CADPS: variants seen among roughly 807,000 people sequenced by gnomAD.
CADPS encodes the protein calcium dependent secretion activator.
Under a neutral mutation model 167.3 loss-of-function variants are expected in CADPS, and 57 were observed. That is an observed-to-expected ratio of 0.34 (90% CI 0.28 to 0.42). The LOEUF (loss-of-function observed/expected upper bound fraction) is 0.42, where lower values mean the gene tolerates loss of function less well. Ranked by LOEUF, CADPS falls within the 20% of genes least tolerant of loss-of-function variation. The pLI is 1.00. For synonymous variants in CADPS, 676 were observed against 635.3 expected (o/e 1.06, Z -0.96); for missense variants, 1,414 against 1,738.1 (o/e 0.81, Z 3.32).
intron 6 of CADPS, among the ~76,000 whole-genome samples, chr3:62,623,661 A>G (rs999539273): frequency 6.6e-6 from 1 of 152,134 alleles, no homozygotes; most frequent in African/African-American, 2.4e-5. Context: ...GGAGTGTTAG[A>G]TCCTGGAAGG....
chr3:62,530,360 A>T (rs1488220553), intron 13 of CADPS, among the ~76,000 whole-genome samples: 1 of 152,164 alleles, frequency 6.6e-6, no homozygotes, highest in Admixed American at 6.5e-5. Context: ...CCCTAACTAG[A>T]TGCCACTAAA....
At chr3:62,656,147 T>C (rs984354121) in intron 4 of CADPS, among the ~76,000 whole-genome samples, 3 of 152,152 alleles carry the variant, frequency 2.0e-5, no homozygotes, top group African/African-American at 7.2e-5. Context: ...CATGAATATG[T>C]TTTGATCACT....
chr3:62,772,157 T>G (rs1489027608), intron 1 of CADPS, among the ~76,000 whole-genome samples: 1 of 152,144 alleles, frequency 6.6e-6, no homozygotes, highest in Non-Finnish European at 1.5e-5. Flanking sequence ...ATAAAAACAA[T>G]ACAGGAAGTA....
At chr3:62,709,194 C>T (rs1294177398) in intron 3 of CADPS, among the ~76,000 whole-genome samples, 2 of 152,062 alleles carry the variant, frequency 1.3e-5, no homozygotes, top group African/African-American at 4.8e-5. Context: ...CTCTTCTCTT[C>T]CCCTAACACT....
At chr3:62,827,431 C>G (rs974126375) in intron 1 of CADPS, among the ~76,000 whole-genome samples, 1 of 152,162 alleles carries the variant, frequency 6.6e-6, no homozygotes, top group Admixed American at 6.5e-5. Context: ...GAGGCACATA[C>G]TTTAATACCC....
intron 1 of CADPS, among the ~76,000 whole-genome samples, chr3:62,809,159 A>G (rs766253632): frequency 2.3e-4 from 35 of 152,236 alleles, no homozygotes; most frequent in Non-Finnish European, 4.6e-4. Flanking sequence ...ATGTTTCCTC[A>G]TTGAAATCCC....
At chr3:62,578,349 G>A (rs1032831687) in intron 8 of CADPS, among the ~76,000 whole-genome samples, 3 of 152,094 alleles carry the variant, frequency 2.0e-5, no homozygotes, top group South Asian at 2.1e-4. Context: ...GGTGGCTCAC[G>A]CCTGTAATCC....
intron 28 of CADPS, among the ~76,000 whole-genome samples, chr3:62,426,267 CAGCCTCTGGAGT>C (rs2052649619): frequency 6.6e-6 from 1 of 152,202 alleles, no homozygotes; most frequent in South Asian, 2.1e-4. Context: ...TCTCCTGCTT[CAGCCTCTGGAGT>C]AGCTGGGATT....
intron 1 of CADPS, among the ~76,000 whole-genome samples, chr3:62,805,800 G>A (rs1007567375): frequency 6.6e-6 from 1 of 152,162 alleles, no homozygotes; most frequent in Admixed American, 6.6e-5. Context: ...ACCAGCAGGA[G>A]ATCAGGGTGG....
At chr3:62,644,646 C>A (rs1187693861) in intron 6 of CADPS, among the ~76,000 whole-genome samples, 1 of 152,202 alleles carries the variant, frequency 6.6e-6, no homozygotes, top group Admixed American at 6.5e-5. Context: ...GCCCTGCTGG[C>A]CTCTTTTGAA....
At chr3:62,632,839 G>A (rs573596687) in intron 6 of CADPS, among the ~76,000 whole-genome samples, 28 of 152,034 alleles carry the variant, frequency 1.8e-4, no homozygotes, top group Non-Finnish European at 2.2e-4. Context: ...TAAAAGACAC[G>A]TCTCTGCTAA....
intron 26 of CADPS, among the ~76,000 whole-genome samples, chr3:62,463,242 C>G (rs2059582279): frequency 6.6e-6 from 1 of 152,150 alleles, no homozygotes; most frequent in Admixed American, 6.5e-5. Flanking sequence ...CCATAGTCCT[C>G]TTGGTAGGCC....
At chr3:62,466,584 G>C in intron 24 of CADPS, 171 bp from the exon 25 acceptor site, 2 of 663,220 alleles carry the variant, frequency 3.0e-6, no homozygotes, top group African/African-American at 1.8e-5. Context: ...TTGATAGAGA[G>C]AGATCTGAAG....
rs1223192009 is a variant in CADPS, at chr3:62,553,796, G to A, written c.1753+3609C>T. 3.3e-5 allele frequency among the ~76,000 whole-genome samples: 5 copies of A among 152,290 alleles called. No individual in the cohort carries two copies. The East Asian group carries it at 9.6e-4, about 29-fold the overall frequency. ...AGAAAGCAAAGTGAACATCCACAAA[G>A]TGAAGATCCACATGTCATAACCACA... On this transcript the variant is annotated intron_variant, in intron 10 of 29. Transcript: ENST00000383710.
rs190424068 is a variant in CADPS, at chr3:62,489,053, C to T, written c.3026+2286G>A. On this transcript the variant is annotated intron_variant, in intron 21 of 29. Coordinates refer to ENST00000383710, the MANE Select transcript of CADPS (RefSeq NM_003716.4). ...TAAAAATATTCCCAAGAAAACATCC[C>T]TAGACTAAGATTTCCAGGTATGAAG... is the stretch of plus-strand genomic sequence containing the variant. Among the ~76,000 whole-genome samples, 415 of 152,276 alleles carry T rather than the reference C, an allele frequency of 2.7e-3. 1 individual carries two copies. Among genetic ancestry groups the T allele is most frequent in the Middle Eastern group, 0.01 (3 of 294 alleles).
chr3:62,583,432 T>G (rs2148553512), intron 8 of CADPS, among the ~76,000 whole-genome samples: 1 of 152,222 alleles, frequency 6.6e-6, no homozygotes, highest in East Asian at 1.9e-4. Flanking sequence ...GGAAGAACGG[T>G]AGACCTCAGC....
intron 28 of CADPS, among the ~76,000 whole-genome samples, chr3:62,415,295 G>A (rs967551170): frequency 6.6e-6 from 1 of 152,090 alleles, no homozygotes. Flanking sequence ...GGGGGTTGGT[G>A]TCATTACACA....
chr3:62,456,776 A>C (rs1171260142), intron 26 of CADPS, among the ~76,000 whole-genome samples: 2 of 151,916 alleles, frequency 1.3e-5, no homozygotes, highest in South Asian at 2.1e-4. Flanking sequence ...AAAAAAAAAA[A>C]AAACCCAATA....
At chr3:62,566,550 T>C (rs1331257472) in intron 9 of CADPS, among the ~76,000 whole-genome samples, 5 of 151,982 alleles carry the variant, frequency 3.3e-5, no homozygotes, top group Non-Finnish European at 1.5e-5. Flanking sequence ...CTTTATGATA[T>C]TGATAAAGTG....
Sources: gnomAD v4.1 joint callset for allele counts (sites outside exome capture counted in the v4.1 genomes callset) on GRCh38, gnomAD v4.1.1 for gene constraint, MANE v1.5 for transcripts, NCBI Gene and HGNC (gene_info 2026-07-23, HGNC 2026-07-21) for gene names.